SIDT2: variants seen among roughly 807,000 people sequenced by gnomAD.
The protein encoded by SIDT2 is SID1 transmembrane family member 2.
Under a neutral mutation model 114.4 loss-of-function variants are expected in SIDT2, and 68 were observed. The ratio of observed to expected loss-of-function variants is 0.59; its 90% CI spans 0.49 to 0.73. The LOEUF is 0.73. Ranked by LOEUF, SIDT2 falls within the 30% of genes least tolerant of loss-of-function variation. The pLI is 0.00. For missense variants in SIDT2, 918 were observed against 1,097.1 expected, an observed-to-expected ratio of 0.84 and a Z score of 2.31; for synonymous variants, 470 against 438.4, an observed-to-expected ratio of 1.07 and a Z score of -0.90.
At chr11:117,186,562 C>A in intron 9 of SIDT2, 22 bp from the exon 10 acceptor site, 1 of 1,542,616 alleles carries the variant, frequency 6.5e-7, no homozygotes, top group Non-Finnish European at 8.7e-7. Context: ...ATCTGGGTGG[C>A]CTGTGGGTTC....
chr11:117,196,333 C>T lies in SIDT2; in HGVS notation c.*267C>T, dbSNP rs2030895818. The T allele has an allele frequency of 1.9e-6, 1 of 527,264 alleles. No homozygotes were observed. Among genetic ancestry groups the T allele is most frequent in the Non-Finnish European group, 3.4e-6 (1 of 291,896 alleles). The allele number at this position is 527,264 out of a possible 1,614,324, so 32.7% of individuals were successfully genotyped here. A position where few individuals can be genotyped will look rare whatever the true frequency, so the allele number is the denominator to read the frequency against. On this transcript the variant is annotated 3_prime_UTR_variant, in exon 26 of 26. Coordinates refer to ENST00000324225, the MANE Select transcript of SIDT2 (RefSeq NM_001040455.2). The surrounding 1 kb of genome is among the most constrained non-coding windows in gnomAD (Gnocchi z 4.9). The stretch of plus-strand genomic sequence containing the variant: ...TGCTGCTTTCTTCTCAGTGTTGGGG[C>T]CTTCCATGGGCCCCTGTCCTTTGGC...
In SIDT2 at chr11:117,181,389, G is replaced by C. The variant is rs1205483752; in HGVS notation, c.184-27G>C. On this transcript the variant is annotated intron_variant, in intron 1 of 25. Transcript: ENST00000324225. ...CACGTGTCCCTGGTGGCAGAGGCTT[G>C]AGAGGCATTTCCATGTCGTTCTGCA... is the stretch of plus-strand genomic sequence containing the variant. 3 of 1,612,526 alleles carry C rather than the reference G, an allele frequency of 1.9e-6. No homozygotes were observed. The Admixed American group carries it at 5.0e-5, about 27-fold the overall frequency.
intron 6 of SIDT2, 95 bp downstream of exon 6, chr11:117,182,901 C>A: frequency 7.4e-7 from 1 of 1,348,152 alleles, no homozygotes; most frequent in Non-Finnish European, 1.0e-6. Flanking sequence ...CCATTCCTAT[C>A]CTACACACGA....
At chr11:117,182,236 G>C in intron 4 of SIDT2, 131 bp downstream of exon 4, 1 of 1,065,690 alleles carries the variant, frequency 9.4e-7, no homozygotes, top group African/African-American at 1.6e-5. Context: ...CTGGAAACAG[G>C]AGCTCTGGCC....
intron 18 of SIDT2, 61 bp from the exon 19 acceptor site, chr11:117,191,817 G>A: frequency 6.3e-7 from 1 of 1,589,688 alleles, no homozygotes; most frequent in African/African-American, 1.3e-5. Flanking sequence ...TTGGGGCCAG[G>A]AGTTCTCTGC....
At chr11:117,184,910 G>A (rs2030433788) in intron 8 of SIDT2, among the ~76,000 whole-genome samples, 1 of 152,098 alleles carries the variant, frequency 6.6e-6, no homozygotes, top group African/African-American at 2.4e-5. Context: ...ATTTTTAGTA[G>A]AGACGGGGGT....
rs775843130 is a variant in SIDT2, at chr11:117,187,332, CCTCT to C, written c.1016-41_1016-38del. 6.4e-5 allele frequency: 99 copies of C among 1,557,106 alleles called. 2 individuals carry two copies. In the East Asian group the frequency reaches 2.0e-3, roughly 31 times the overall value. ...CTTTGTTCTTCTCCCTGGCTCTAGG[CCTCT>C]CTCTTCGTCCAGTGCTAACAGACCT... On this transcript the variant is annotated intron_variant, in intron 10 of 25. Coordinates refer to ENST00000324225, the MANE Select transcript of SIDT2 (RefSeq NM_001040455.2).
chr11:117,189,846 G>A, intron 15 of SIDT2, 106 bp from the exon 16 acceptor site: 1 of 981,066 alleles, frequency 1.0e-6, no homozygotes, highest in Non-Finnish European at 1.6e-6. Context: ...CCACCTGCTA[G>A]CTGTGGTGGC....
At chr11:117,180,809 C>T (rs115927874) in intron 1 of SIDT2, among the ~76,000 whole-genome samples, 5,128 of 152,100 alleles carry the variant, frequency 0.034, 278 homozygotes, top group African/African-American at 0.12. Flanking sequence ...GTGCTACAAG[C>T]GTGAGTCACC....
Position 117,183,823 on chromosome 11 carries a change from G to A in SIDT2, c.747G>A (p.Val249=), listed in dbSNP as rs750746951. The change falls in exon 7 of 26, where the codon GTG becomes GTA. Residue 249 remains valine, a synonymous_variant. Transcript: ENST00000324225. Reference sequence around the variant, plus strand: ...ACAGCTTTTATGTGGTGGTGGTGGTGAAGACCGAAGACCAAGCCTGCGGGG... The same window carrying A: ...ACAGCTTTTATGTGGTGGTGGTGGTAAAGACCGAAGACCAAGCCTGCGGGG... ...PSNSFYVVVV[V]KTEDQACGGS... 1.2e-5 allele frequency: 19 copies of A among 1,614,052 alleles called. No individual in the cohort carries two copies. The highest frequency in any genetic ancestry group is 2.2e-5 in the East Asian group (1 of 44,900).
At position 117,187,468 on chromosome 11, in the gene SIDT2, AC is replaced by A; in HGVS notation, c.1087+21del. Reference sequence around the variant, plus strand: ...TCCTTTGGTACGTGTCAAAGCCAGCACCGTGCTTGCTGGGGACATGACCTTG... The same window carrying A: ...TCCTTTGGTACGTGTCAAAGCCAGCACGTGCTTGCTGGGGACATGACCTTG... On this transcript the variant is annotated intron_variant, in intron 11 of 25. Coordinates refer to ENST00000324225, the MANE Select transcript of SIDT2 (RefSeq NM_001040455.2). The A allele has an allele frequency of 3.1e-6, 5 of 1,613,472 alleles. 1 individual carries two copies. In the South Asian group the frequency reaches 5.5e-5, roughly 18 times the overall value.
At chr11:117,184,886 C>G (rs770980517) in intron 8 of SIDT2, among the ~76,000 whole-genome samples, 2 of 152,098 alleles carry the variant, frequency 1.3e-5, no homozygotes, top group Non-Finnish European at 2.9e-5. Flanking sequence ...CCGCCATGCC[C>G]AGCTAATTTT....
At position 117,178,745 on chromosome 11, in the gene SIDT2, T is replaced by C. The variant is rs980536671; in HGVS notation, c.-519T>C. Reference sequence around the variant, plus strand: ...CCCAGCGGCGCAGCTCACTTTTCAGTGTTCGTGCGTCGGGACGGCGCGTCC... The same window carrying C: ...CCCAGCGGCGCAGCTCACTTTTCAGCGTTCGTGCGTCGGGACGGCGCGTCC... On this transcript the variant is annotated 5_prime_UTR_variant, in exon 1 of 26. Coordinates refer to ENST00000324225, the MANE Select transcript of SIDT2 (RefSeq NM_001040455.2). 1.9e-5 allele frequency: 3 copies of C among 156,638 alleles called. No homozygotes were observed. The highest frequency in any genetic ancestry group is 3.8e-4 in the East Asian group (2 of 5,250). The allele number at this position is 156,638 out of a possible 1,614,324, so 9.7% of individuals were successfully genotyped here. A position where few individuals can be genotyped will look rare whatever the true frequency, so the allele number is the denominator to read the frequency against.
At chr11:117,189,285 G>A (rs369575566) in intron 14 of SIDT2, 43 bp downstream of exon 14, 77 of 1,613,914 alleles carry the variant, frequency 4.8e-5, no homozygotes, top group Middle Eastern at 1.6e-4. Context: ...TGGTGGGTGT[G>A]TGGCAGCCTT....
rs2030678846 is a variant in SIDT2 at position 117,190,979 on chromosome 11, A to C, written c.1735+239A>C. On this transcript the variant is annotated intron_variant, in intron 18 of 25. Transcript: ENST00000324225. The surrounding 1 kb of genome is among the most constrained non-coding windows in gnomAD (Gnocchi z 4.1). ...GTGCCGCAGTGAAGAAAACAGTATA[A>C]TTAAGAAGGGGTCCCTGGCCGGGTG... is the stretch of plus-strand genomic sequence containing the variant. The C allele has an allele frequency of 2.4e-6, 1 of 416,308 alleles. No homozygotes were observed. Among genetic ancestry groups the C allele is most frequent in the East Asian group, 4.1e-5 (1 of 24,680 alleles). 25.8% of individuals were successfully genotyped at this position (416,308 alleles called of 1,614,324 possible). A position where few individuals can be genotyped will look rare whatever the true frequency, so the allele number is the denominator to read the frequency against.
chr11:117,196,171 A>G lies in SIDT2; in HGVS notation c.*105A>G. Reference sequence around the variant, plus strand: ...GGGATGAGTCCCAGCACCGCTGCCCAGCACTGGATGGCAGCAGGACAGCCA... The same window carrying G: ...GGGATGAGTCCCAGCACCGCTGCCCGGCACTGGATGGCAGCAGGACAGCCA... On this transcript the variant is annotated 3_prime_UTR_variant, in exon 26 of 26. Coordinates refer to ENST00000324225, the MANE Select transcript of SIDT2 (RefSeq NM_001040455.2). The surrounding 1 kb of genome is among the most constrained non-coding windows in gnomAD (Gnocchi z 4.9). 2.0e-6 allele frequency: 3 copies of G among 1,465,754 alleles called. No individual in the cohort carries two copies. The highest frequency in any genetic ancestry group is 2.3e-5 in the East Asian group (1 of 43,676). 90.8% of individuals were successfully genotyped at this position (1,465,754 alleles called of 1,614,324 possible).
intron 13 of SIDT2, 126 bp from the exon 14 acceptor site, chr11:117,189,043 G>A: frequency 3.7e-6 from 4 of 1,085,754 alleles, no homozygotes; most frequent in Admixed American, 1.8e-5. Flanking sequence ...GCAGTGGGAT[G>A]TCCTTGAACC....
chr11:117,183,977 A>C, intron 7 of SIDT2, 97 bp from the exon 8 acceptor site: 1 of 1,521,598 alleles, frequency 6.6e-7, no homozygotes, highest in African/African-American at 1.4e-5. Flanking sequence ...ACCTGATAGG[A>C]CATGGGTTTT....
intron 1 of SIDT2, among the ~76,000 whole-genome samples, chr11:117,180,228 G>A (rs962050864): frequency 2.0e-5 from 3 of 152,146 alleles, no homozygotes; most frequent in Admixed American, 6.6e-5. Flanking sequence ...TTGAGAATGG[G>A]GAATCTGATT....
Sources: gnomAD v4.1 joint callset for allele counts (sites outside exome capture counted in the v4.1 genomes callset) on GRCh38, gnomAD v4.1.1 for gene constraint, Gnocchi (gnomAD v3.1) non-coding constraint, MANE v1.5 for transcripts, NCBI Gene and HGNC (gene_info 2026-07-23, HGNC 2026-07-21) for gene names.